The following ASCC3 variants were observed in gnomAD, a reference collection of about 807,000 sequenced individuals.
The protein encoded by ASCC3 is activating signal cointegrator 1 complex subunit 3.
ASCC3 carries 158 observed loss-of-function variants against 256.3 expected under a neutral mutation model. The ratio of observed to expected loss-of-function variants is 0.62; its 90% CI spans 0.54 to 0.70. ASCC3 has a LOEUF of 0.70. Among genes scored for constraint, ASCC3 ranks in the 30% least tolerant of loss-of-function variants. ASCC3 has a pLI of 0.00. For missense variants in ASCC3, 2,259 were observed against 2,626.0 expected (o/e 0.86, Z 3.05); for synonymous variants, 948 against 883.4 (o/e 1.07, Z -1.30).
chr6:100,582,623 G>A (rs539514104), intron 36 of ASCC3, among the ~76,000 whole-genome samples: 289 of 152,120 alleles, frequency 1.9e-3, no homozygotes, highest in Non-Finnish European at 3.3e-3. Context: ...CCAACACTAT[G>A]TTGAATAGGA....
chr6:100,655,930 T>G (rs77187444), intron 16 of ASCC3, 112 bp from the exon 17 acceptor site: 2 of 1,288,564 alleles, frequency 1.6e-6, no homozygotes, highest in African/African-American at 2.9e-5. Context: ...TATGCAGTAT[T>G]TTTAAAAAGG....
At chr6:100,515,550 T>C (rs576090850) in intron 39 of ASCC3, among the ~76,000 whole-genome samples, 8 of 152,356 alleles carry the variant, frequency 5.3e-5, no homozygotes, top group African/African-American at 1.9e-4. Context: ...TGTTCATTCA[T>C]ATTTTTGGTC....
chr6:100,548,716 A>C (rs1769125085), intron 36 of ASCC3, among the ~76,000 whole-genome samples: 1 of 151,946 alleles, frequency 6.6e-6, no homozygotes, highest in Admixed American at 6.6e-5. Context: ...CTGAAGGAAA[A>C]GGCATTCAAA....
intron 39 of ASCC3, among the ~76,000 whole-genome samples, chr6:100,515,071 T>G (rs1348839926): frequency 3.3e-5 from 5 of 152,224 alleles, no homozygotes; most frequent in African/African-American, 1.2e-4. Flanking sequence ...GCAAATAAAT[T>G]AAGTAAGTTT....
At chr6:100,877,649 C>G (rs1278437967) in intron 1 of ASCC3, among the ~76,000 whole-genome samples, 1 of 152,096 alleles carries the variant, frequency 6.6e-6, no homozygotes, top group Non-Finnish European at 1.5e-5. Context: ...AGTCTAGGCA[C>G]ATTTAACTTT....
chr6:100,852,244 G>C (rs1385464930), intron 3 of ASCC3, among the ~76,000 whole-genome samples: 1 of 152,130 alleles, frequency 6.6e-6, no homozygotes, highest in African/African-American at 2.4e-5. Context: ...AGCTATCCAA[G>C]GCCCAACTTA....
intron 30 of ASCC3, among the ~76,000 whole-genome samples, chr6:100,619,941 T>C (rs964747604): frequency 2.0e-5 from 3 of 152,036 alleles, no homozygotes; most frequent in Non-Finnish European, 2.9e-5. Context: ...TGTCTTTCCT[T>C]GGAGAGGGAT....
chr6:100,650,662 T>C lies in ASCC3; in HGVS notation c.3128A>G (p.Glu1043Gly). 1 of 1,612,326 alleles carries C rather than the reference T, an allele frequency of 6.2e-7. No homozygotes were observed. The highest frequency in any genetic ancestry group is 1.1e-5 in the South Asian group (1 of 91,040). The stretch of plus-strand genomic sequence containing the variant: ...CTCTACACCTCCAGGAGTGGAGAGT[T>C]CACAAAAATTGCTTAATAAGGTATC... ...ELDTLLSNFC[E>G]LSTPGGVENS... Residue 1043 changes from glutamate (E) to glycine (G), a missense_variant, in exon 20 of 42, where the codon GAA (glutamate) becomes GGA (glycine). Glu to Gly is a moderately conservative substitution (Grantham distance 98). Around this residue, in one of 2 missense-constraint regions of ASCC3, gnomAD observed 1,839 missense variants for 2,206.7 expected, o/e 0.83. Transcript: ENST00000369162.
At chr6:100,589,376 T>C (rs1309746483) in intron 36 of ASCC3, among the ~76,000 whole-genome samples, 1 of 152,050 alleles carries the variant, frequency 6.6e-6, no homozygotes, top group African/African-American at 2.4e-5. Flanking sequence ...CTCAGGACAG[T>C]CCAGTTTACA....
At chr6:100,553,956 T>C (rs1027569658) in intron 36 of ASCC3, among the ~76,000 whole-genome samples, 1 of 152,266 alleles carries the variant, frequency 6.6e-6, no homozygotes, top group African/African-American at 2.4e-5. Flanking sequence ...CACCCTTATG[T>C]CACATAACTC....
At chr6:100,836,563 T>C (rs1771885952) in intron 4 of ASCC3, among the ~76,000 whole-genome samples, 1 of 152,088 alleles carries the variant, frequency 6.6e-6, no homozygotes, top group Admixed American at 6.6e-5. Flanking sequence ...GCATATTTTG[T>C]ACCATCCTTG....
At chr6:100,873,565 C>G (rs1422026402) in intron 1 of ASCC3, among the ~76,000 whole-genome samples, 1 of 152,108 alleles carries the variant, frequency 6.6e-6, no homozygotes, top group Non-Finnish European at 1.5e-5. Flanking sequence ...ATCGCCTAGG[C>G]ACACTGTCAT....
chr6:100,653,046 T>C (rs1008948964), intron 17 of ASCC3, among the ~76,000 whole-genome samples, 157 bp from the exon 18 acceptor site: 1 of 152,172 alleles, frequency 6.6e-6, no homozygotes, highest in East Asian at 1.9e-4. Context: ...TAGGAAATAA[T>C]TGAAAATATT....
At chr6:100,775,049 G>A (rs1294442736) in intron 8 of ASCC3, among the ~76,000 whole-genome samples, 2 of 152,090 alleles carry the variant, frequency 1.3e-5, no homozygotes, top group Non-Finnish European at 2.9e-5. Context: ...ATGCTACACT[G>A]AAGGAGCTGA....
Position 100,735,886 on chromosome 6 carries a change from T to C in ASCC3, c.1738-10183A>G, listed in dbSNP as rs149442313. Among the ~76,000 whole-genome samples, 223 of 152,272 alleles carry C rather than the reference T, an allele frequency of 1.5e-3. 1 individual carries two copies. The highest frequency in any genetic ancestry group is 5.2e-3 in the African/African-American group (217 of 41,568). ...CCTGAGCTTACATATTTAGGTGGCTTTTCTCAAACCATATACCGTAGTAAT... is the reference window on the plus strand; with the variant it reads ...CCTGAGCTTACATATTTAGGTGGCTCTTCTCAAACCATATACCGTAGTAAT... On this transcript the variant is annotated intron_variant, in intron 10 of 41. Transcript: ENST00000369162.
intron 36 of ASCC3, among the ~76,000 whole-genome samples, chr6:100,552,256 CTT>C (rs761964181): frequency 8.6e-5 from 13 of 151,730 alleles, no homozygotes; most frequent in East Asian, 3.9e-4. Flanking sequence ...AGATGTAAAT[CTT>C]TGTTTATAAT....
intron 36 of ASCC3, among the ~76,000 whole-genome samples, chr6:100,576,735 G>A (rs1770884683): frequency 6.6e-6 from 1 of 151,954 alleles, no homozygotes; most frequent in African/African-American, 2.4e-5. Context: ...GGTTTCTATT[G>A]TAGAAGGAGA....
At chr6:100,564,940 G>A (rs1770154507) in intron 36 of ASCC3, among the ~76,000 whole-genome samples, 2 of 152,016 alleles carry the variant, frequency 1.3e-5, no homozygotes, top group South Asian at 4.2e-4. Context: ...ATGAAGTAAT[G>A]CTTTGTGTAA....
chr6:100,823,640 A>C (rs1771160828), intron 4 of ASCC3, among the ~76,000 whole-genome samples: 1 of 152,208 alleles, frequency 6.6e-6, no homozygotes, highest in South Asian at 2.1e-4. Flanking sequence ...TTATTCTTAA[A>C]ATTAAATTTT....
Sources: gnomAD v4.1 joint callset for allele counts (sites outside exome capture counted in the v4.1 genomes callset) on GRCh38, gnomAD v4.1.1 for gene constraint, gnomAD v4.1.1 regional missense constraint, MANE v1.5 for transcripts, NCBI Gene and HGNC (gene_info 2026-07-23, HGNC 2026-07-21) for gene names.